Variants in TMEM150C observed in about 807,000 individuals in gnomAD.
TMEM150C encodes the protein tentonin 3.
TMEM150C carries 10 observed loss-of-function variants against 29.9 expected under a neutral mutation model. That is an observed-to-expected ratio of 0.33 (90% CI 0.21 to 0.57). The LOEUF is 0.57. TMEM150C is among the 20% of genes least tolerant of loss of function. The pLI, the probability that TMEM150C is intolerant of heterozygous loss-of-function variation, is 0.88. For synonymous variants in TMEM150C, 101 were observed against 112.5 expected (o/e 0.90, Z 0.64); for missense variants, 251 against 303.6 (o/e 0.83, Z 1.29).
intron 1 of TMEM150C, among the ~76,000 whole-genome samples, chr4:82,523,822 C>T (rs1387077522): frequency 2.0e-5 from 3 of 151,696 alleles, no homozygotes; most frequent in Non-Finnish European, 4.4e-5. Flanking sequence ...GGATTATAGG[C>T]GCCTGCCGCC....
At chr4:82,523,172 C>T (rs929016197) in intron 1 of TMEM150C, among the ~76,000 whole-genome samples, 2 of 151,796 alleles carry the variant, frequency 1.3e-5, no homozygotes, top group African/African-American at 2.4e-5. Flanking sequence ...TTTAATAGGC[C>T]GGAAAGAAAA....
At chr4:82,492,722 T>A (rs933754980) in intron 6 of TMEM150C, among the ~76,000 whole-genome samples, 1 of 148,342 alleles carries the variant, frequency 6.7e-6, no homozygotes, top group Non-Finnish European at 1.5e-5. Flanking sequence ...ATATATATAT[T>A]TTTCAGATTA....
chr4:82,532,427 A>C (rs1323064148), intron 1 of TMEM150C, among the ~76,000 whole-genome samples: 1 of 152,220 alleles, frequency 6.6e-6, no homozygotes, highest in African/African-American at 2.4e-5. Flanking sequence ...GGAAACCACG[A>C]GGGTGACAAT....
intron 1 of TMEM150C, among the ~76,000 whole-genome samples, chr4:82,525,253 G>A (rs140650762): frequency 9.6e-4 from 146 of 152,218 alleles, no homozygotes; most frequent in African/African-American, 3.5e-3. Flanking sequence ...GCTTGGTAAA[G>A]GAGAAAAAAA....
At position 82,521,712 on chromosome 4, in the gene TMEM150C, A is replaced by T. The variant is rs1239344862; in HGVS notation, c.-10-17045T>A. ...AAATGTTTGTGGAGAAGACTCGGTG[A>T]TGCAGAGGGGATGACACACAGGGTA... is the stretch of plus-strand genomic sequence containing the variant. On this transcript the variant is annotated intron_variant, in intron 1 of 7. Coordinates refer to ENST00000449862, the MANE Select transcript of TMEM150C (RefSeq NM_001080506.3). Among the ~76,000 whole-genome samples, 6 of 152,334 alleles carry T rather than the reference A, an allele frequency of 3.9e-5. No individual in the cohort carries two copies. The East Asian group carries it at 1.2e-3, about 29-fold the overall frequency.
At chr4:82,507,527 A>C (rs1723964320) in intron 1 of TMEM150C, among the ~76,000 whole-genome samples, 1 of 151,346 alleles carries the variant, frequency 6.6e-6, no homozygotes, top group Non-Finnish European at 1.5e-5. Flanking sequence ...AGAATTCGCA[A>C]TAGAGAAACG....
chr4:82,523,382 C>T (rs1203278640), intron 1 of TMEM150C, among the ~76,000 whole-genome samples: 1 of 152,128 alleles, frequency 6.6e-6, no homozygotes, highest in African/African-American at 2.4e-5. Context: ...CGTAGCCCTG[C>T]GAGAAAGCTG....
chr4:82,540,957 C>A (rs931464606), intron 1 of TMEM150C, among the ~76,000 whole-genome samples: 1 of 152,156 alleles, frequency 6.6e-6, no homozygotes, highest in African/African-American at 2.4e-5. Context: ...TGATTTGAAT[C>A]CCAGCTCTGT....
At chr4:82,495,015 G>C (rs898888688) in intron 6 of TMEM150C, 1 of 994,746 alleles carries the variant, frequency 1.0e-6, no homozygotes, top group Non-Finnish European at 1.5e-6. Context: ...CAGAGCAATA[G>C]GCTGCTGTTT....
intron 1 of TMEM150C, among the ~76,000 whole-genome samples, chr4:82,546,503 C>T (rs866505864): frequency 6.6e-6 from 1 of 152,110 alleles, no homozygotes; most frequent in South Asian, 2.1e-4. Context: ...TCAGTAAATG[C>T]TGCTGGGATA....
upstream of TMEM150C, chr4:82,562,238 C>T: frequency 7.8e-7 from 1 of 1,283,526 alleles, no homozygotes; most frequent in Non-Finnish European, 1.0e-6. Context: ...CCTGGCGCTC[C>T]TCATCCAACA....
chr4:82,543,961 C>T (rs1330132405), intron 1 of TMEM150C, among the ~76,000 whole-genome samples: 1 of 152,174 alleles, frequency 6.6e-6, no homozygotes, highest in African/African-American at 2.4e-5. Flanking sequence ...AGAAAATTTC[C>T]CCAAACTACC....
chr4:82,554,505 C>T lies in TMEM150C; in HGVS notation c.-11+7401G>A, dbSNP rs1725677383. On this transcript the variant is annotated intron_variant, in intron 1 of 7. Transcript: ENST00000449862. ...AAAAAATATATGTTAATTTTAGCTACATACAGTTTTAATTTATGCTTTAAA... is the reference window on the plus strand; with the variant it reads ...AAAAAATATATGTTAATTTTAGCTATATACAGTTTTAATTTATGCTTTAAA... Among the ~76,000 whole-genome samples, 4 of 152,148 alleles carry T rather than the reference C, an allele frequency of 2.6e-5. No homozygotes were observed. The East Asian group carries it at 7.7e-4, about 29-fold the overall frequency.
At chr4:82,487,237 C>G (rs1274658486) in intron 7 of TMEM150C, among the ~76,000 whole-genome samples, 1 of 151,628 alleles carries the variant, frequency 6.6e-6, no homozygotes, top group African/African-American at 2.4e-5. Context: ...TCACTTGAGC[C>G]CAGTAGTTCG....
chr4:82,504,379 T>G (rs1432053249), intron 2 of TMEM150C, among the ~76,000 whole-genome samples, 199 bp downstream of exon 2: 1 of 152,068 alleles, frequency 6.6e-6, no homozygotes, highest in Admixed American at 6.5e-5. Context: ...AACTTCTGTA[T>G]TTTTAGTAGA....
At chr4:82,511,527 T>C (rs962264234) in intron 1 of TMEM150C, among the ~76,000 whole-genome samples, 1 of 135,280 alleles carries the variant, frequency 7.4e-6, no homozygotes, top group Non-Finnish European at 1.5e-5. Flanking sequence ...CAGGCTGGAG[T>C]GCAGTGGCAT....
chr4:82,512,532 TGTGA>T (rs1157773862), intron 1 of TMEM150C, among the ~76,000 whole-genome samples: 8 of 152,216 alleles, frequency 5.3e-5, no homozygotes, highest in Non-Finnish European at 1.2e-4. Flanking sequence ...AGTGTGGCCC[TGTGA>T]GTAAGTTCTC....
intron 1 of TMEM150C, among the ~76,000 whole-genome samples, chr4:82,534,583 G>C (rs552794281): frequency 6.6e-6 from 1 of 152,190 alleles, no homozygotes; most frequent in African/African-American, 2.4e-5. Context: ...TTACAGCAGC[G>C]TATCTCTAAA....
At chr4:82,491,326 G>T in intron 6 of TMEM150C, 1 of 663,652 alleles carries the variant, frequency 1.5e-6, no homozygotes, top group East Asian at 2.7e-5. Context: ...CTGTACCTGT[G>T]GGCTAGCTTA....
Sources: gnomAD v4.1 joint callset for allele counts (sites outside exome capture counted in the v4.1 genomes callset) on GRCh38, gnomAD v4.1.1 for gene constraint, MANE v1.5 for transcripts, NCBI Gene and HGNC (gene_info 2026-07-23, HGNC 2026-07-21) for gene names.